Variants in TRAPPC10 observed in about 807,000 individuals in gnomAD.
TRAPPC10 encodes trafficking protein particle complex subunit 10, also known as TRAPP 130 kDa subunit.
A neutral mutation model predicts 125.5 loss-of-function variants in TRAPPC10; 23 were observed. The ratio of observed to expected loss-of-function variants is 0.18; its 90% CI spans 0.13 to 0.26. The LOEUF (loss-of-function observed/expected upper bound fraction) is 0.26, where lower values mean the gene tolerates loss of function less well. Ranked by LOEUF, TRAPPC10 falls within the 10% of genes least tolerant of loss-of-function variation. TRAPPC10 has a pLI of 1.00. For synonymous variants in TRAPPC10, 509 were observed against 518.0 expected, an observed-to-expected ratio of 0.98 and a Z score of 0.24; for missense variants, 1,123 against 1,308.4, an observed-to-expected ratio of 0.86 and a Z score of 2.19.
intron 11 of TRAPPC10, among the ~76,000 whole-genome samples, chr21:44,078,255 G>A (rs2838485): frequency 0.33 from 49,972 of 151,890 alleles, 11,973 homozygotes; most frequent in African/African-American, 0.68. Context: ...AGACTGCAGG[G>A]TTTCCATTCC....
chr21:44,013,134 C>T (rs1322452147), intron 1 of TRAPPC10, among the ~76,000 whole-genome samples: 1 of 135,052 alleles, frequency 7.4e-6, no homozygotes, highest in Non-Finnish European at 1.5e-5. Context: ...AGCCGAGGCT[C>T]GGGCGCTTAG....
intron 1 of TRAPPC10, among the ~76,000 whole-genome samples, chr21:44,026,027 A>G (rs1051526482): frequency 2.6e-5 from 4 of 151,930 alleles, no homozygotes; most frequent in Non-Finnish European, 5.9e-5. Context: ...GAACTGTGGG[A>G]GGGTTCATTT....
chr21:44,017,912 TA>T (rs2032053889), intron 1 of TRAPPC10, among the ~76,000 whole-genome samples: 1 of 152,138 alleles, frequency 6.6e-6, no homozygotes, highest in African/African-American at 2.4e-5. Flanking sequence ...CTCATAAATT[TA>T]AAATATCTCT....
At chr21:44,040,255 T>C (rs576889885) in intron 3 of TRAPPC10, among the ~76,000 whole-genome samples, 1 of 152,374 alleles carries the variant, frequency 6.6e-6, no homozygotes, top group African/African-American at 2.4e-5. Context: ...CGTTGAGACA[T>C]ACTCAAGAGC....
intron 3 of TRAPPC10, among the ~76,000 whole-genome samples, chr21:44,044,687 A>G (rs1363312034): frequency 1.6e-5 from 2 of 128,762 alleles, no homozygotes; most frequent in African/African-American, 6.2e-5. Flanking sequence ...TTTTTTTGAG[A>G]CAGAGTTTCG....
At chr21:44,093,924 G>A in intron 19 of TRAPPC10, 139 bp from the exon 20 acceptor site, 1 of 811,314 alleles carries the variant, frequency 1.2e-6, no homozygotes, top group South Asian at 1.8e-5. Context: ...AAAGCAGCAT[G>A]CATAGGCGTG....
chr21:44,047,127 C>T (rs771948713), intron 3 of TRAPPC10: 5 of 536,574 alleles, frequency 9.3e-6, no homozygotes, highest in African/African-American at 1.9e-5. Context: ...ACTCCTTCGG[C>T]GCACTGTGAT....
chr21:44,094,163 C>T lies in TRAPPC10; in HGVS notation c.3098C>T (p.Pro1033Leu), dbSNP rs1248513983. ...LHCRFSVGFS[P>L]ASEEQLSISL... is the part of the protein sequence containing the mutation. ...TGCCGGTTCTCTGTTGGATTTTCCC[C>T]AGCTTCTGAGGAACAGCTGTCTATC... is the stretch of plus-strand genomic sequence containing the variant. The change falls in exon 20 of 23, where the codon CCA becomes CTA. Residue 1033 changes from proline to leucine, a missense_variant. Physicochemically the swap from Pro to Leu is moderately conservative, Grantham distance 98. This residue lies in a region of TRAPPC10 where 840 missense variants were observed against 902.0 expected (regional missense o/e 0.93). Transcript: ENST00000291574. 1.9e-6 allele frequency: 3 copies of T among 1,614,092 alleles called. No individual in the cohort carries two copies. Among genetic ancestry groups the T allele is most frequent in the Non-Finnish European group, 2.5e-6 (3 of 1,180,046 alleles).
chr21:44,034,672 G>C (rs1019197618), intron 2 of TRAPPC10, among the ~76,000 whole-genome samples: 2 of 152,192 alleles, frequency 1.3e-5, no homozygotes, highest in African/African-American at 4.8e-5. Context: ...GTCTTTATTG[G>C]AATAAGGGTC....
chr21:44,089,750 G>C (rs1225678334), intron 17 of TRAPPC10, 83 bp from the exon 18 acceptor site: 5 of 1,026,654 alleles, frequency 4.9e-6, no homozygotes, highest in Non-Finnish European at 7.6e-6. Context: ...GGCGGGCACT[G>C]CAGGTGAGTC....
intron 1 of TRAPPC10, among the ~76,000 whole-genome samples, chr21:44,027,694 A>G (rs973536003): frequency 4.6e-5 from 7 of 152,146 alleles, no homozygotes; most frequent in African/African-American, 1.4e-4. Context: ...TGCTGTCTGG[A>G]GGGACGGTAA....
chr21:44,051,515 G>T (rs1373647261), intron 3 of TRAPPC10, among the ~76,000 whole-genome samples: 1 of 152,160 alleles, frequency 6.6e-6, no homozygotes, highest in Non-Finnish European at 1.5e-5. Flanking sequence ...CTGTTTTCCT[G>T]GTTCTTTATG....
Position 44,089,925 on chromosome 21 carries a change from A to G in TRAPPC10, c.2862A>G (p.Ser954=). The change falls in exon 18 of 23, where the codon TCA becomes TCG. Residue 954 remains serine (S), a synonymous_variant. Transcript: ENST00000291574. The part of the protein sequence containing the change: ...PFRTTHSLLS[S]GTRKYVQVCV... The stretch of plus-strand genomic sequence containing the variant: ...GGACCACACACAGCCTCCTGTCCTC[A>G]GGAACACGGTAACGGAGGCGTAGCG... 6.2e-7 allele frequency: 1 copy of G among 1,613,192 alleles called. No homozygotes were observed. The highest frequency in any genetic ancestry group is 8.5e-7 in the Non-Finnish European group (1 of 1,179,274).
intron 7 of TRAPPC10, among the ~76,000 whole-genome samples, chr21:44,070,677 T>G (rs1252515792): frequency 6.6e-6 from 1 of 152,266 alleles, no homozygotes; most frequent in Non-Finnish European, 1.5e-5. Context: ...AAGCCATGGC[T>G]GCAGAACAAT....
At chr21:44,058,036 C>G (rs1482489422) in intron 5 of TRAPPC10, among the ~76,000 whole-genome samples, 1 of 152,188 alleles carries the variant, frequency 6.6e-6, no homozygotes, top group Non-Finnish European at 1.5e-5. Flanking sequence ...GGACAGGTGC[C>G]AGGCCCTCCT....
intron 3 of TRAPPC10, among the ~76,000 whole-genome samples, chr21:44,038,139 A>AT (rs1008255944): frequency 1.3e-5 from 2 of 152,006 alleles, no homozygotes; most frequent in African/African-American, 4.8e-5. Flanking sequence ...GCCAGCTGTA[A>AT]TTTTTCAAAT....
intron 15 of TRAPPC10, among the ~76,000 whole-genome samples, chr21:44,086,104 G>C (rs566161877): frequency 5.9e-5 from 9 of 152,278 alleles, no homozygotes; most frequent in Non-Finnish European, 1.3e-4. Flanking sequence ...CTCGATTCCC[G>C]CAGGGGAGCC....
intron 19 of TRAPPC10, 57 bp from the exon 20 acceptor site, chr21:44,094,006 G>A (rs769389484): frequency 2.6e-6 from 4 of 1,555,756 alleles, no homozygotes; most frequent in Non-Finnish European, 3.5e-6. Flanking sequence ...TGCAGTGTCT[G>A]TGTCCTCTTT....
rs1041550131 is a variant in TRAPPC10 at position 44,012,361 on chromosome 21, C to T, written c.-133C>T. 4.6e-5 allele frequency: 15 copies of T among 329,488 alleles called. No individual in the cohort carries two copies. Among genetic ancestry groups the T allele is most frequent in the Non-Finnish European group, 6.1e-5 (14 of 230,782 alleles). 20.4% of individuals were successfully genotyped at this position (329,488 alleles called of 1,614,324 possible). A position where few individuals can be genotyped will look rare whatever the true frequency, so the allele number is the denominator to read the frequency against. On this transcript the variant is annotated 5_prime_UTR_variant, in exon 1 of 23. Coordinates refer to ENST00000291574, the MANE Select transcript of TRAPPC10 (RefSeq NM_003274.5). The stretch of plus-strand genomic sequence containing the variant: ...CGGCAGCAGCGGGCGGCAGCTGCGG[C>T]GCAACCGGCTCCGGAGCTGCCTGGC...
Sources: gnomAD v4.1 joint callset for allele counts (sites outside exome capture counted in the v4.1 genomes callset) on GRCh38, gnomAD v4.1.1 for gene constraint, gnomAD v4.1.1 regional missense constraint, MANE v1.5 for transcripts, NCBI Gene and HGNC (gene_info 2026-07-23, HGNC 2026-07-21) for gene names.